MAML2: variants seen among roughly 807,000 people sequenced by gnomAD.
MAML2 encodes the protein mastermind-like protein 2.
MAML2 carries 22 observed loss-of-function variants against 96.1 expected under a neutral mutation model. That is an observed-to-expected ratio of 0.23 (90% CI 0.16 to 0.33). MAML2 has a LOEUF of 0.33. Ranked by LOEUF, MAML2 falls within the 10% of genes least tolerant of loss-of-function variation. The pLI, the probability that MAML2 is intolerant of heterozygous loss-of-function variation, is 1.00. For synonymous variants in MAML2, 561 were observed against 521.3 expected, an observed-to-expected ratio of 1.08 and a Z score of -1.04; for missense variants, 1,367 against 1,392.4, an observed-to-expected ratio of 0.98 and a Z score of 0.29.
At chr11:96,236,619 T>C (rs1041423148) in intron 1 of MAML2, among the ~76,000 whole-genome samples, 2 of 152,178 alleles carry the variant, frequency 1.3e-5, no homozygotes, top group African/African-American at 2.4e-5. Context: ...TTTAAAATGT[T>C]AGATTTTAAA....
At chr11:96,277,234 TTTTC>T (rs1265083462) in intron 1 of MAML2, among the ~76,000 whole-genome samples, 3 of 152,188 alleles carry the variant, frequency 2.0e-5, no homozygotes, top group African/African-American at 7.2e-5. Flanking sequence ...CTCGATTTTT[TTTTC>T]TTTTATTGAT....
At chr11:96,272,238 G>A (rs1862926408) in intron 1 of MAML2, among the ~76,000 whole-genome samples, 2 of 152,124 alleles carry the variant, frequency 1.3e-5, no homozygotes, top group Admixed American at 6.5e-5. Flanking sequence ...AGGAATTTTT[G>A]TTTGCTCAAC....
At chr11:96,313,398 G>A (rs533424504) in intron 1 of MAML2, among the ~76,000 whole-genome samples, 9 of 152,190 alleles carry the variant, frequency 5.9e-5, no homozygotes, top group African/African-American at 9.6e-5. Flanking sequence ...CTGGAATTTC[G>A]GAACCTTTGC....
chr11:95,980,883 C>G (rs992294292), intron 4 of MAML2, among the ~76,000 whole-genome samples: 23 of 152,320 alleles, frequency 1.5e-4, no homozygotes, highest in African/African-American at 5.5e-4. Context: ...CTCCCCCACG[C>G]CTTCAAACCT....
intron 1 of MAML2, among the ~76,000 whole-genome samples, chr11:96,122,349 C>G (rs1429145893): frequency 1.3e-5 from 2 of 151,846 alleles, no homozygotes; most frequent in African/African-American, 2.4e-5. Context: ...CTTCTGCTCT[C>G]CCCTGGAGCT....
intron 1 of MAML2, among the ~76,000 whole-genome samples, chr11:96,104,862 A>G (rs1460402110): frequency 6.6e-6 from 1 of 152,130 alleles, no homozygotes; most frequent in African/African-American, 2.4e-5. Context: ...AGGGAGAAAA[A>G]TATCCTGAAA....
At position 96,341,527 on chromosome 11, in the gene MAML2, G is replaced by A. The variant is rs776275951; in HGVS notation, c.369C>T (p.Ala123=). Residue 123 remains alanine (A), a synonymous_variant, in exon 1 of 5, where the codon GCC becomes GCT. Coordinates refer to ENST00000524717, the MANE Select transcript of MAML2 (RefSeq NM_032427.4). ...GGTGATAGTCTGGTGGGGGCGGTGG[G>A]GCTGCTGTTGCTGCTGCTTGGGAGG... is the stretch of plus-strand genomic sequence containing the variant. ...PAASQAAATA[A]PPPPPDYHHH... is the part of the protein sequence containing the mutation. 1 of 1,551,340 alleles carries A rather than the reference G, an allele frequency of 6.4e-7. No individual in the cohort carries two copies. The highest frequency in any genetic ancestry group is 1.4e-5 in the African/African-American group (1 of 72,994).
At chr11:96,056,388 G>GA (rs34837308) in intron 2 of MAML2, among the ~76,000 whole-genome samples, 2,439 of 97,556 alleles carry the variant, frequency 0.025, 69 homozygotes, top group African/African-American at 0.066. Context: ...ATTTTCTGAG[G>GA]AAAAAAAAAA....
intron 1 of MAML2, among the ~76,000 whole-genome samples, chr11:96,129,218 G>A (rs1010622748): frequency 1.3e-5 from 2 of 152,102 alleles, no homozygotes; most frequent in African/African-American, 4.8e-5. Context: ...TACATACACT[G>A]AATTGGTCAG....
chr11:96,237,315 T>C (rs530700314), intron 1 of MAML2, among the ~76,000 whole-genome samples: 1 of 152,198 alleles, frequency 6.6e-6, no homozygotes. Context: ...ATAAAAATTG[T>C]TGGTTTGTTT....
chr11:96,200,747 G>A (rs114029795), intron 1 of MAML2, among the ~76,000 whole-genome samples: 2,201 of 152,216 alleles, frequency 0.014, 57 homozygotes, highest in African/African-American at 0.048. Context: ...GGGGGGATAC[G>A]GGTGGAGAAA....
chr11:96,009,080 G>T (rs1283018452), intron 2 of MAML2, among the ~76,000 whole-genome samples: 1 of 152,094 alleles, frequency 6.6e-6, no homozygotes, highest in African/African-American at 2.4e-5. Flanking sequence ...AAAGTATTTT[G>T]AGTTCTTTGG....
chr11:96,188,648 T>TA (rs1384447617), intron 1 of MAML2, among the ~76,000 whole-genome samples: 5 of 152,112 alleles, frequency 3.3e-5, no homozygotes, highest in Non-Finnish European at 7.4e-5. Flanking sequence ...GTCAGTTTTT[T>TA]TTTTTCCTTT....
At chr11:96,025,045 T>C (rs992636878) in intron 2 of MAML2, among the ~76,000 whole-genome samples, 2 of 152,220 alleles carry the variant, frequency 1.3e-5, no homozygotes, top group Non-Finnish European at 2.9e-5. Flanking sequence ...ATCCCATTAC[T>C]GTGTATATAC....
chr11:96,249,990 T>TCCTG (rs1030227621), intron 1 of MAML2, among the ~76,000 whole-genome samples: 6 of 152,166 alleles, frequency 3.9e-5, no homozygotes, highest in African/African-American at 1.4e-4. Context: ...TTTACTCTGG[T>TCCTG]CCTGCTAGAG....
At chr11:96,229,742 T>C (rs949193517) in intron 1 of MAML2, among the ~76,000 whole-genome samples, 1 of 152,056 alleles carries the variant, frequency 6.6e-6, no homozygotes, top group Non-Finnish European at 1.5e-5. Flanking sequence ...ATACCATAAA[T>C]TTGAAATTAC....
At chr11:96,094,392 A>G (rs6483477) in intron 1 of MAML2, among the ~76,000 whole-genome samples, 115,833 of 152,044 alleles carry the variant, frequency 0.76, 44,914 homozygotes, top group Middle Eastern at 0.87. Context: ...GGACAATAGC[A>G]CTTAACTCAC....
chr11:96,048,427 A>G (rs1394903545), intron 2 of MAML2, among the ~76,000 whole-genome samples: 1 of 152,230 alleles, frequency 6.6e-6, no homozygotes, highest in Non-Finnish European at 1.5e-5. Flanking sequence ...AATCATGCCA[A>G]TAAAATCCAC....
At chr11:96,097,707 AT>A (rs1859855859) in intron 1 of MAML2, among the ~76,000 whole-genome samples, 1 of 152,154 alleles carries the variant, frequency 6.6e-6, no homozygotes, top group African/African-American at 2.4e-5. Flanking sequence ...AATTTTTAAT[AT>A]TTTTTAAGGA....
Sources: allele counts gnomAD v4.1 joint callset (sites outside exome capture counted in the v4.1 genomes callset), GRCh38; gene constraint gnomAD v4.1.1; transcripts MANE v1.5; gene names NCBI Gene and HGNC (gene_info 2026-07-23, HGNC 2026-07-21).